MRPL21: variants seen among roughly 807,000 people sequenced by gnomAD.
The protein encoded by MRPL21 is large ribosomal subunit protein bL21m.
MRPL21 carries 20 observed loss-of-function variants against 27.3 expected under a neutral mutation model. The ratio of observed to expected loss-of-function variants is 0.73; its 90% CI spans 0.52 to 1.06. The LOEUF is 1.06. Ranked by LOEUF, MRPL21 falls within the 50% of genes least tolerant of loss-of-function variation. The pLI, the probability that MRPL21 is intolerant of heterozygous loss-of-function variation, is 0.00. For synonymous variants in MRPL21, 98 were observed against 101.5 expected (o/e 0.97, Z 0.21); for missense variants, 249 against 251.4 (o/e 0.99, Z 0.06).
chr11:68,893,628 G>A (rs1857708080), intron 4 of MRPL21, among the ~76,000 whole-genome samples, 173 bp from the exon 5 acceptor site: 1 of 152,216 alleles, frequency 6.6e-6, no homozygotes, highest in African/African-American at 2.4e-5. Context: ...CCGGGGCTGT[G>A]AGCTGACAAG....
intron 6 of MRPL21, 83 bp from the exon 7 acceptor site, chr11:68,891,478 C>T: frequency 7.0e-7 from 1 of 1,419,788 alleles, no homozygotes. Context: ...CACAGCCCTC[C>T]CCAGCCAGCG....
chr11:68,903,629 A>G, intron 1 of MRPL21, 94 bp downstream of exon 1: 1 of 1,297,206 alleles, frequency 7.7e-7, no homozygotes, highest in Non-Finnish European at 1.1e-6. Context: ...TCAACACACA[A>G]GGCACCAGGT....
chr11:68,893,293 C>T (rs1177911787), intron 5 of MRPL21, 110 bp downstream of exon 5: 1 of 1,558,662 alleles, frequency 6.4e-7, no homozygotes, highest in Non-Finnish European at 8.7e-7. Flanking sequence ...TGTTTGGTGT[C>T]AACAAAGAAT....
chr11:68,898,952 T>A (rs1446902790), intron 2 of MRPL21, among the ~76,000 whole-genome samples: 1 of 152,234 alleles, frequency 6.6e-6, no homozygotes, highest in African/African-American at 2.4e-5. Flanking sequence ...CACATCTGGC[T>A]AATTTTTGTA....
At chr11:68,896,465 A>G (rs1464323120) in intron 4 of MRPL21, 50 bp downstream of exon 4, 1 of 1,604,642 alleles carries the variant, frequency 6.2e-7, no homozygotes, top group African/African-American at 1.3e-5. Context: ...TGGAGATTAC[A>G]TACTTGGTGG....
At chr11:68,895,597 C>T (rs1184023988) in intron 4 of MRPL21, among the ~76,000 whole-genome samples, 4 of 152,162 alleles carry the variant, frequency 2.6e-5, no homozygotes, top group Admixed American at 1.3e-4. Context: ...TTGCAGTGAG[C>T]CAAGACTGCG....
chr11:68,896,436 C>CAAA, intron 4 of MRPL21, 79 bp downstream of exon 4: 2 of 1,546,898 alleles, frequency 1.3e-6, no homozygotes, highest in Non-Finnish European at 1.8e-6. Context: ...AGGGTCCCTC[C>CAAA]TCCGTGTGAG....
chr11:68,894,184 A>G (rs1238335023), intron 4 of MRPL21, among the ~76,000 whole-genome samples: 1 of 152,192 alleles, frequency 6.6e-6, no homozygotes, highest in Non-Finnish European at 1.5e-5. Flanking sequence ...AACGACTGCA[A>G]AATTCTCAAG....
chr11:68,895,966 C>T (rs138542538), intron 4 of MRPL21, among the ~76,000 whole-genome samples: 1 of 152,296 alleles, frequency 6.6e-6, no homozygotes, highest in East Asian at 1.9e-4. Flanking sequence ...GTGTGAGCCA[C>T]CATGCCTGGC....
Position 68,900,661 on chromosome 11 carries a change from C to A in MRPL21, c.89-56G>T, listed in dbSNP as rs1566418317. On this transcript the variant is annotated intron_variant, in intron 1 of 6. Transcript: ENST00000362034. ...CCATTAATACTACAAATGCAAACTGCCCTTTATGATGCTAAATGCACAGCT... is the reference window on the plus strand; with the variant it reads ...CCATTAATACTACAAATGCAAACTGACCTTTATGATGCTAAATGCACAGCT... 7 of 1,441,970 alleles carry A rather than the reference C, an allele frequency of 4.9e-6. No individual in the cohort carries two copies. In the South Asian group the frequency reaches 8.0e-5, roughly 17 times the overall value. 89.3% of individuals were successfully genotyped at this position (1,441,970 alleles called of 1,614,324 possible).
intron 4 of MRPL21, among the ~76,000 whole-genome samples, chr11:68,894,038 T>C (rs1483782415): frequency 3.5e-5 from 3 of 85,046 alleles, no homozygotes; most frequent in Non-Finnish European, 7.8e-5. Flanking sequence ...AGAAAACAAA[T>C]AAACAAAAAA....
rs748370669 is a variant in MRPL21 at position 68,893,437 on chromosome 11, C to A, written c.415G>T (p.Asp139Tyr). ...GGCTTGCCAAGCAGCGTGAAGTTGT[C>A]TGCCCCAACCAGCAGGACCTGAAAA... ...RLEKVLLVGADNFTLLGKPLL... is the reference protein window; with the variant it reads ...RLEKVLLVGAYNFTLLGKPLL... Residue 139 changes from aspartate to tyrosine, a missense_variant, in exon 5 of 7, where the codon GAC becomes TAC. By Grantham distance (160) the Asp-to-Tyr change is radical. Transcript: ENST00000362034. 7 of 1,614,082 alleles carry A rather than the reference C, an allele frequency of 4.3e-6. No individual in the cohort carries two copies. The highest frequency in any genetic ancestry group is 5.9e-6 in the Non-Finnish European group (7 of 1,180,050).
intron 6 of MRPL21, 137 bp from the exon 7 acceptor site, chr11:68,891,532 C>A (rs1170331947): frequency 2.3e-5 from 19 of 835,958 alleles, no homozygotes; most frequent in Non-Finnish European, 3.9e-5. Flanking sequence ...GTGTTTATCT[C>A]CAGGTGTGCA....
At chr11:68,894,674 T>C (rs1594404013) in intron 4 of MRPL21, among the ~76,000 whole-genome samples, 1 of 152,366 alleles carries the variant, frequency 6.6e-6, no homozygotes, top group East Asian at 1.9e-4. Context: ...AGAGACAAAG[T>C]ATATCATATA....
At chr11:68,903,572 G>A (rs539796286) in intron 1 of MRPL21, 151 bp downstream of exon 1, 3 of 758,738 alleles carry the variant, frequency 4.0e-6, no homozygotes, top group South Asian at 1.7e-5. Flanking sequence ...ATCTGAACCT[G>A]GGTTCCCCCG....
chr11:68,895,222 C>T (rs1857757428), intron 4 of MRPL21, among the ~76,000 whole-genome samples: 1 of 151,988 alleles, frequency 6.6e-6, no homozygotes, highest in Non-Finnish European at 1.5e-5. Context: ...CGAGATTGTG[C>T]CACTGTACTC....
chr11:68,892,842 G>A (rs1317814598), intron 6 of MRPL21, 48 bp downstream of exon 6: 1 of 1,590,544 alleles, frequency 6.3e-7, no homozygotes, highest in Non-Finnish European at 8.6e-7. Flanking sequence ...ATGCGCCTGG[G>A]CAACCAGCAC....
At chr11:68,898,985 G>A (rs1284823118) in intron 2 of MRPL21, among the ~76,000 whole-genome samples, 3 of 152,036 alleles carry the variant, frequency 2.0e-5, no homozygotes, top group Non-Finnish European at 4.4e-5. Flanking sequence ...ATGGGGTTTC[G>A]CCACATTGGC....
chr11:68,901,439 A>C (rs1485758632), intron 1 of MRPL21, among the ~76,000 whole-genome samples: 3 of 152,236 alleles, frequency 2.0e-5, no homozygotes, highest in Non-Finnish European at 4.4e-5. Flanking sequence ...ATCTACTGAG[A>C]AGACAGGGGA....
Sources: gnomAD v4.1 joint callset for allele counts (sites outside exome capture counted in the v4.1 genomes callset) on GRCh38, gnomAD v4.1.1 for gene constraint, MANE v1.5 for transcripts, NCBI Gene and HGNC (gene_info 2026-07-23, HGNC 2026-07-21) for gene names.